Variants in SDK1 observed in about 807,000 individuals in gnomAD.
The protein encoded by SDK1 is protein sidekick-1.
Under a neutral mutation model 245.5 loss-of-function variants are expected in SDK1, and 157 were observed. That is an observed-to-expected ratio of 0.64 (90% CI 0.56 to 0.73). The LOEUF (loss-of-function observed/expected upper bound fraction) is 0.73. Among genes scored for constraint, SDK1 ranks in the 30% least tolerant of loss-of-function variants. The pLI is 0.00. For synonymous variants in SDK1, 1,647 were observed against 1,278.5 expected, an observed-to-expected ratio of 1.29 and a Z score of -6.15; for missense variants, 3,583 against 3,002.3, an observed-to-expected ratio of 1.19 and a Z score of -4.52.
At chr7:3,603,304 C>T (rs1189640917) in intron 1 of SDK1, among the ~76,000 whole-genome samples, 6 of 148,362 alleles carry the variant, frequency 4.0e-5, no homozygotes, top group African/African-American at 1.5e-4. Context: ...TTGATTCTTC[C>T]TACCCATGAG....
intron 5 of SDK1, among the ~76,000 whole-genome samples, chr7:3,845,941 C>T (rs1780267271): frequency 6.6e-6 from 1 of 152,202 alleles, no homozygotes; most frequent in African/African-American, 2.4e-5. Context: ...CTGCTACCTA[C>T]AACTTTGCAG....
chr7:3,599,090 CTTT>C (rs58431507), intron 1 of SDK1, among the ~76,000 whole-genome samples: 13,011 of 80,922 alleles, frequency 0.16, 1,434 homozygotes, highest in East Asian at 0.35. Flanking sequence ...ACTAATCCAC[CTTT>C]TTTTTTTTTT....
intron 5 of SDK1, among the ~76,000 whole-genome samples, chr7:3,892,742 G>A (rs1168960827): frequency 6.6e-6 from 1 of 152,186 alleles, no homozygotes; most frequent in Non-Finnish European, 1.5e-5. Context: ...CTCCAGTCCA[G>A]GTGGACATCC....
chr7:3,724,879 C>T (rs1209492254), intron 4 of SDK1, among the ~76,000 whole-genome samples: 2 of 152,200 alleles, frequency 1.3e-5, no homozygotes, highest in African/African-American at 2.4e-5. Context: ...TGTCACATGG[C>T]CATGTGGCCA....
intron 10 of SDK1, 113 bp from the exon 11 acceptor site, chr7:3,969,144 T>G: frequency 3.1e-6 from 3 of 952,408 alleles, no homozygotes; most frequent in Non-Finnish European, 4.5e-6. Flanking sequence ...GAGACGAGAC[T>G]TGGGTGGGGA....
At chr7:3,423,165 G>C (rs1441857688) in intron 1 of SDK1, among the ~76,000 whole-genome samples, 1 of 152,176 alleles carries the variant, frequency 6.6e-6, no homozygotes, top group African/African-American at 2.4e-5. Context: ...GGTGAGAACT[G>C]TCACCTTTTC....
At chr7:3,968,497 C>CT (rs1279781293) in intron 10 of SDK1, among the ~76,000 whole-genome samples, 1 of 152,226 alleles carries the variant, frequency 6.6e-6, no homozygotes, top group Admixed American at 6.5e-5. Flanking sequence ...GACACAGCTC[C>CT]TAAAGATCTG....
chr7:4,177,898 G>C (rs1562394336), intron 34 of SDK1, among the ~76,000 whole-genome samples: 1 of 152,196 alleles, frequency 6.6e-6, no homozygotes, highest in Non-Finnish European at 1.5e-5. Flanking sequence ...CAGATCATCA[G>C]GCATTAGATT....
intron 28 of SDK1, among the ~76,000 whole-genome samples, chr7:4,137,444 T>C (rs930959020): frequency 6.6e-6 from 1 of 152,188 alleles, no homozygotes; most frequent in East Asian, 1.9e-4. Context: ...GCCACCTTCT[T>C]GTGTCTCGAG....
At chr7:3,650,422 C>CT (rs1782976310) in intron 4 of SDK1, among the ~76,000 whole-genome samples, 1 of 152,168 alleles carries the variant, frequency 6.6e-6, no homozygotes, top group African/African-American at 2.4e-5. Context: ...TTTGACTACT[C>CT]TAATTATCTT....
intron 25 of SDK1, among the ~76,000 whole-genome samples, chr7:4,117,811 A>G (rs1306052858): frequency 6.6e-6 from 1 of 152,104 alleles, no homozygotes; most frequent in Non-Finnish European, 1.5e-5. Context: ...GTAAGGGAAG[A>G]GTTAGGGCCT....
chr7:4,115,090 C>T (rs537214249), intron 25 of SDK1, among the ~76,000 whole-genome samples: 1 of 152,160 alleles, frequency 6.6e-6, no homozygotes, highest in Admixed American at 6.5e-5. Context: ...TTTCTTGCCC[C>T]CCTCCTTAAA....
chr7:3,476,071 T>G (rs1034308612), intron 1 of SDK1: 2 of 152,542 alleles, frequency 1.3e-5, no homozygotes, highest in African/African-American at 4.8e-5. Context: ...AAAACTCAAT[T>G]TAAAACCTAT....
intron 5 of SDK1, among the ~76,000 whole-genome samples, chr7:3,927,216 G>A (rs1019591657): frequency 2.8e-4 from 43 of 152,090 alleles, no homozygotes; most frequent in South Asian, 2.1e-4. Flanking sequence ...GGAACGTGCT[G>A]GTATTCCAGA....
intron 4 of SDK1, among the ~76,000 whole-genome samples, chr7:3,656,764 G>A (rs1194732546): frequency 6.8e-6 from 1 of 147,562 alleles, no homozygotes; most frequent in East Asian, 2.0e-4. Flanking sequence ...TTTTTGAGAC[G>A]GAGTCTCGCT....
chr7:4,144,084 A>G (rs999650398), intron 28 of SDK1, among the ~76,000 whole-genome samples: 1 of 145,432 alleles, frequency 6.9e-6, no homozygotes, highest in Non-Finnish European at 1.5e-5. Flanking sequence ...GCCTGTGGGA[A>G]GAGCTGGCCC....
intron 4 of SDK1, among the ~76,000 whole-genome samples, chr7:3,677,368 A>T (rs1783937711): frequency 6.6e-6 from 1 of 152,238 alleles, no homozygotes; most frequent in Admixed American, 6.5e-5. Flanking sequence ...TTATAAAGGA[A>T]AGAGTTTTAA....
intron 4 of SDK1, among the ~76,000 whole-genome samples, chr7:3,697,156 T>C (rs1529657): frequency 0.94 from 143,122 of 152,132 alleles, 67,438 homozygotes; most frequent in African/African-American, 0.98. Context: ...TGAACATCAA[T>C]GATCCCATGC....
intron 7 of SDK1, among the ~76,000 whole-genome samples, chr7:3,953,630 CAA>C (rs764946193): frequency 6.6e-6 from 1 of 152,194 alleles, no homozygotes; most frequent in Non-Finnish European, 1.5e-5. Context: ...GTAATTTAAA[CAA>C]GAGAAGAAAT....
Sources: gnomAD v4.1 joint callset for allele counts (sites outside exome capture counted in the v4.1 genomes callset) on GRCh38, gnomAD v4.1.1 for gene constraint, MANE v1.5 for transcripts, NCBI Gene and HGNC (gene_info 2026-07-23, HGNC 2026-07-21) for gene names.